PROS1: variants seen among roughly 807,000 people sequenced by gnomAD.
The protein encoded by PROS1 is vitamin K-dependent protein S.
Under a neutral mutation model 75.9 loss-of-function variants are expected in PROS1, and 29 were observed. That is an observed-to-expected ratio of 0.38 (90% confidence interval 0.28 to 0.52). The LOEUF (loss-of-function observed/expected upper bound fraction) is 0.52, where lower values mean the gene tolerates loss of function less well. PROS1 is among the 20% of genes least tolerant of loss of function. PROS1 has a pLI of 0.83. For missense variants in PROS1, 680 were observed against 810.3 expected (o/e 0.84, Z 1.95); for synonymous variants, 245 against 280.6 (o/e 0.87, Z 1.27).
At chr3:93,919,220 T>C (rs1217690784) in intron 3 of PROS1, among the ~76,000 whole-genome samples, 1 of 152,344 alleles carries the variant, frequency 6.6e-6, no homozygotes, top group South Asian at 2.1e-4. Flanking sequence ...GATCATTAAA[T>C]AGGAATGTAC....
intron 1 of PROS1, among the ~76,000 whole-genome samples, chr3:93,956,551 C>A (rs1232545127): frequency 4.9e-5 from 4 of 81,510 alleles, no homozygotes; most frequent in African/African-American, 1.4e-4. Context: ...CACACACACA[C>A]ACACACACAC....
chr3:93,917,390 C>G (rs1279418957), intron 3 of PROS1, among the ~76,000 whole-genome samples: 1 of 152,226 alleles, frequency 6.6e-6, no homozygotes, highest in Non-Finnish European at 1.5e-5. Flanking sequence ...ACCTCCACCT[C>G]CTGGGTTCAA....
chr3:93,969,576 A>G (rs1709843340), intron 1 of PROS1, among the ~76,000 whole-genome samples: 1 of 152,216 alleles, frequency 6.6e-6, no homozygotes, highest in Non-Finnish European at 1.5e-5. Context: ...ACAGAGACAC[A>G]TAGGACTGGA....
chr3:93,898,643 T>C (rs1708539172), intron 7 of PROS1, 74 bp from the exon 8 acceptor site: 4 of 1,542,554 alleles, frequency 2.6e-6, no homozygotes, highest in Non-Finnish European at 3.6e-6. Flanking sequence ...AGAGGAATAT[T>C]ATGATTGTAG....
chr3:93,896,519 T>G (rs1225669611), intron 9 of PROS1, 57 bp downstream of exon 9: 1 of 1,335,298 alleles, frequency 7.5e-7, no homozygotes, highest in Non-Finnish European at 1.1e-6. Context: ...TCGGCCACTT[T>G]TCTTCTGCCC....
chr3:93,938,356 T>A (rs1709222847), intron 1 of PROS1, among the ~76,000 whole-genome samples: 1 of 152,186 alleles, frequency 6.6e-6, no homozygotes, highest in Non-Finnish European at 1.5e-5. Flanking sequence ...CTTTTTGGAC[T>A]CAGCCCGCTG....
At chr3:93,948,127 AG>A (rs1709435050) in intron 1 of PROS1, among the ~76,000 whole-genome samples, 3 of 152,228 alleles carry the variant, frequency 2.0e-5, no homozygotes, top group Non-Finnish European at 2.9e-5. Context: ...TAACAATCAA[AG>A]ATCGCCAGAT....
At chr3:93,952,057 T>C (rs1360738557) in intron 1 of PROS1, among the ~76,000 whole-genome samples, 1 of 152,172 alleles carries the variant, frequency 6.6e-6, no homozygotes, top group African/African-American at 2.4e-5. Context: ...ATGCACCCAA[T>C]ACAGGAGCAC....
At chr3:93,882,031 A>G (rs1367110795) in intron 12 of PROS1, among the ~76,000 whole-genome samples, 2 of 152,222 alleles carry the variant, frequency 1.3e-5, no homozygotes, top group African/African-American at 4.8e-5. Flanking sequence ...GAATTTATAA[A>G]TAGCTAATAA....
chr3:93,952,412 G>A (rs1421589120), intron 1 of PROS1, among the ~76,000 whole-genome samples: 1 of 152,046 alleles, frequency 6.6e-6, no homozygotes, highest in African/African-American at 2.4e-5. Context: ...CTAGAACTCA[G>A]GATTAAGAAA....
intron 1 of PROS1, among the ~76,000 whole-genome samples, chr3:93,948,527 T>G (rs549036907): frequency 1.3e-5 from 2 of 152,294 alleles, no homozygotes; most frequent in East Asian, 1.9e-4. Context: ...CTCCCATTAT[T>G]ATTGTGTGGG....
At chr3:93,953,235 C>A (rs78386588) in intron 1 of PROS1, among the ~76,000 whole-genome samples, 4 of 152,170 alleles carry the variant, frequency 2.6e-5, no homozygotes, top group Non-Finnish European at 4.4e-5. Context: ...ATGAGGCCAG[C>A]ATCATCCTGA....
At chr3:93,943,380 C>A (rs545855993) in intron 1 of PROS1, among the ~76,000 whole-genome samples, 14 of 152,234 alleles carry the variant, frequency 9.2e-5, no homozygotes, top group Middle Eastern at 6.8e-3. Context: ...CTGTTTTCCT[C>A]TTTCTCCTTG....
intron 1 of PROS1, among the ~76,000 whole-genome samples, chr3:93,958,003 A>C (rs1709635258): frequency 6.6e-6 from 1 of 151,994 alleles, no homozygotes; most frequent in African/African-American, 2.4e-5. Context: ...CAGGAGAATC[A>C]CTTGAACCCA....
intron 4 of PROS1, among the ~76,000 whole-genome samples, chr3:93,906,631 A>G (rs563836149): frequency 2.6e-5 from 4 of 152,098 alleles, no homozygotes; most frequent in South Asian, 2.1e-4. Flanking sequence ...GGGGAGCTCC[A>G]CTCCTTCCAA....
chr3:93,923,638 T>C (rs1202697257), intron 3 of PROS1, among the ~76,000 whole-genome samples: 1 of 152,166 alleles, frequency 6.6e-6, no homozygotes, highest in Non-Finnish European at 1.5e-5. Flanking sequence ...GGGTGGGTCA[T>C]GCCTGTAATC....
At chr3:93,881,556 CT>C (rs71105164) in intron 12 of PROS1, among the ~76,000 whole-genome samples, 1,330 of 118,418 alleles carry the variant, frequency 0.011, 12 homozygotes, top group African/African-American at 0.036. Context: ...GTAGTAAGCA[CT>C]TTTTTTTTTT....
chr3:93,903,881 T>C (rs2107167751), intron 6 of PROS1, among the ~76,000 whole-genome samples: 1 of 152,012 alleles, frequency 6.6e-6, no homozygotes, highest in South Asian at 2.1e-4. Flanking sequence ...TAGTTACATA[T>C]GTATACATGT....
chr3:93,885,481 C>G (rs1429733988), intron 11 of PROS1, among the ~76,000 whole-genome samples: 1 of 152,128 alleles, frequency 6.6e-6, no homozygotes, highest in South Asian at 2.1e-4. Context: ...CCGCCTCGGC[C>G]TCCCAAATTG....
Sources: gnomAD v4.1 joint callset for allele counts (sites outside exome capture counted in the v4.1 genomes callset) on GRCh38, gnomAD v4.1.1 for gene constraint, MANE v1.5 for transcripts, NCBI Gene and HGNC (gene_info 2026-07-23, HGNC 2026-07-21) for gene names.